The following NHSL3 variants were observed in gnomAD, a reference collection of about 807,000 sequenced individuals.
NHSL3 encodes NHS-like protein 3.
chr1:32,751,844 A>G, the NHSL3 span, among the ~76,000 whole-genome samples: 1 of 152,206 alleles, frequency 6.6e-6, no homozygotes, highest in Admixed American at 6.5e-5. Context: ...GAGGTCGGAG[A>G]TGAGGCTGAA....
At chr1:32,771,192 C>A in the NHSL3 span, 1 of 1,611,546 alleles carries the variant, frequency 6.2e-7, no homozygotes, top group Non-Finnish European at 8.5e-7. Flanking sequence ...CCCCCTTCTC[C>A]CCACCTCCCT....
chr1:32,766,718 C>T, the NHSL3 span, among the ~76,000 whole-genome samples: 2 of 152,172 alleles, frequency 1.3e-5, no homozygotes, highest in Non-Finnish European at 2.9e-5. Context: ...TAAGGTGTTA[C>T]CAAGGTCACA....
At chr1:32,771,887 T>C in the NHSL3 span, 12 of 1,590,642 alleles carry the variant, frequency 7.5e-6, no homozygotes, top group Middle Eastern at 1.7e-4. Flanking sequence ...ACCCCAGCAC[T>C]GGGGCCATCG....
chr1:32,773,113 G>A, the NHSL3 span: 7,582 of 586,046 alleles, frequency 0.013, 390 homozygotes, highest in African/African-American at 0.12. Context: ...TCTGGCAGTT[G>A]CCGCTTCAGT....
At chr1:32,755,574 C>A in the NHSL3 span, among the ~76,000 whole-genome samples, 1 of 152,110 alleles carries the variant, frequency 6.6e-6, no homozygotes, top group South Asian at 2.1e-4. Flanking sequence ...TCTGTGAAAT[C>A]AGGGGCCCTA....
the NHSL3 span, among the ~76,000 whole-genome samples, chr1:32,745,347 C>T: frequency 2.0e-5 from 3 of 151,656 alleles, no homozygotes; most frequent in Admixed American, 6.6e-5. Context: ...GTCATGAGGT[C>T]GCGAGTTTAA....
At chr1:32,770,135 G>A in the NHSL3 span, 15 of 1,572,044 alleles carry the variant, frequency 9.5e-6, no homozygotes, top group Admixed American at 1.2e-4. This position sits in a 1 kb window ranked among gnomAD's most constrained non-coding sequence, Gnocchi z 8.3. Flanking sequence ...CCATTGACCC[G>A]GCCCATGTCC....
chr1:32,771,555 G>A, the NHSL3 span: 1 of 1,609,134 alleles, frequency 6.2e-7, no homozygotes. Context: ...CACCAGAGGA[G>A]GCTTTTTTCT....
the NHSL3 span, among the ~76,000 whole-genome samples, chr1:32,754,634 A>G: frequency 2.0e-5 from 3 of 152,186 alleles, no homozygotes; most frequent in Non-Finnish European, 4.4e-5. Flanking sequence ...CGTCTTAGGC[A>G]CACAGATGTA....
chr1:32,769,939 G>A, the NHSL3 span: 33 of 1,607,364 alleles, frequency 2.1e-5, no homozygotes, highest in South Asian at 6.6e-5. Context: ...ACGGGATGCC[G>A]TACGCATCCC....
the NHSL3 span, among the ~76,000 whole-genome samples, chr1:32,760,836 G>A: frequency 2.6e-5 from 4 of 152,196 alleles, no homozygotes; most frequent in East Asian, 1.9e-4. Context: ...CGATCCACCC[G>A]CCTTGGCCTC....
At chr1:32,767,475 T>A in the NHSL3 span, among the ~76,000 whole-genome samples, 1 of 152,000 alleles carries the variant, frequency 6.6e-6, no homozygotes. Flanking sequence ...CATCTGTGAG[T>A]GCTGTGTACG....
the NHSL3 span, among the ~76,000 whole-genome samples, chr1:32,754,864 G>T: frequency 6.6e-6 from 1 of 152,104 alleles, no homozygotes; most frequent in Non-Finnish European, 1.5e-5. Context: ...TCGGGAGTCG[G>T]ACTGGTTTTC....
chr1:32,770,740 T>C, the NHSL3 span: 1 of 1,556,592 alleles, frequency 6.4e-7, no homozygotes, highest in African/African-American at 1.4e-5. The surrounding 1 kb of genome is among the most constrained non-coding windows in gnomAD (Gnocchi z 8.3). Flanking sequence ...GCCATTAGGG[T>C]TGCCCCCTAA....
At chr1:32,749,725 C>T in the NHSL3 span, among the ~76,000 whole-genome samples, 1 of 152,146 alleles carries the variant, frequency 6.6e-6, no homozygotes, top group Non-Finnish European at 1.5e-5. Context: ...GCCCTCCCCT[C>T]AACACCTTCA....
the NHSL3 span, chr1:32,769,843 C>A: frequency 3.1e-6 from 5 of 1,611,432 alleles, no homozygotes; most frequent in African/African-American, 1.3e-5. Context: ...TGGTCATCCC[C>A]TCTCTGCTGA....
the NHSL3 span, chr1:32,772,741 T>C: frequency 2.1e-6 from 2 of 971,968 alleles, no homozygotes; most frequent in Non-Finnish European, 3.3e-6. Flanking sequence ...AGCCCAGTGC[T>C]GCGGGCACTG....
the NHSL3 span, among the ~76,000 whole-genome samples, chr1:32,745,447 A>G: frequency 6.6e-6 from 1 of 151,048 alleles, no homozygotes; most frequent in African/African-American, 2.4e-5. Flanking sequence ...AATCCCAGCT[A>G]CTCAGGAGGC....
the NHSL3 span, among the ~76,000 whole-genome samples, chr1:32,747,741 T>A: frequency 4.6e-5 from 7 of 151,606 alleles, no homozygotes; most frequent in African/African-American, 1.7e-4. Context: ...GACAGGTGGA[T>A]CACTTGAGGT....
Sources: gnomAD v4.1 joint callset for allele counts (sites outside exome capture counted in the v4.1 genomes callset) on GRCh38, gnomAD v4.1.1 for gene constraint, Gnocchi (gnomAD v3.1) non-coding constraint, MANE v1.5 for transcripts, NCBI Gene and HGNC (gene_info 2026-07-23, HGNC 2026-07-21) for gene names.